Variants in YAE1 observed in about 807,000 individuals in gnomAD.
YAE1 encodes protein YAE1 homolog.
YAE1 carries 22 observed loss-of-function variants against 23.0 expected under a neutral mutation model. The observed-to-expected ratio is 0.96, with a 90% CI of 0.68 to 1.37. The LOEUF (loss-of-function observed/expected upper bound fraction) is 1.37. Among genes scored for constraint, YAE1 ranks in the 40% most tolerant of loss-of-function variants. The pLI is 0.00. For synonymous variants in YAE1, 101 were observed against 97.0 expected (o/e 1.04, Z -0.24); for missense variants, 260 against 262.1 (o/e 0.99, Z 0.06).
At chr7:39,571,864 G>A (rs1052377160) in intron 2 of YAE1, among the ~76,000 whole-genome samples, 6 of 152,044 alleles carry the variant, frequency 3.9e-5, no homozygotes, top group Admixed American at 1.3e-4. Flanking sequence ...TGCTTAGAAC[G>A]ATGGTTTTCA....
At chr7:39,607,555 T>C (rs566495168) in intron 2 of YAE1, among the ~76,000 whole-genome samples, 79 of 152,360 alleles carry the variant, frequency 5.2e-4, no homozygotes, top group Non-Finnish European at 9.0e-4. Context: ...TGTTGGACTT[T>C]TGAATTCAAT....
exon 3 of YAE1, chr7:39,610,039 C>T: frequency 6.7e-7 from 1 of 1,483,356 alleles, no homozygotes; most frequent in Non-Finnish European, 8.9e-7. Flanking sequence ...AGCCTCAGTC[C>T]TCAGCACCCA....
At chr7:39,570,670 AC>A in intron 2 of YAE1, 43 bp downstream of exon 2, 2 of 1,554,586 alleles carry the variant, frequency 1.3e-6, no homozygotes. Context: ...TAACCTCAAT[AC>A]TACTGGAGGA....
chr7:39,610,067 T>A, exon 3 of YAE1: 1 of 1,442,498 alleles, frequency 6.9e-7, no homozygotes, highest in Non-Finnish European at 9.1e-7. Flanking sequence ...GTGCTGCAGG[T>A]TTCTCCTGGG....
rs1240959787 is a variant in YAE1 at position 39,572,173 on chromosome 7, AAC to A, written c.252-102_252-101del. The A allele has an allele frequency of 5.7e-6, 7 of 1,230,108 alleles. No homozygotes were observed. In the East Asian group the frequency reaches 1.3e-4, roughly 22 times the overall value. 76.2% of individuals were successfully genotyped at this position (1,230,108 alleles called of 1,614,324 possible). A position where few individuals can be genotyped will look rare whatever the true frequency, so the allele number is the denominator to read the frequency against. ...TATGAAAGAGGGGTTATGAATTATA[AAC>A]AGTTTTATGATTAAGTCCAATCGTT... On this transcript the variant is annotated intron_variant, in intron 2 of 2. Coordinates refer to ENST00000223273, the MANE Select transcript of YAE1 (RefSeq NM_020192.5).
At chr7:39,597,693 G>A (rs1383965117) in intron 2 of YAE1, among the ~76,000 whole-genome samples, 6 of 152,186 alleles carry the variant, frequency 3.9e-5, no homozygotes, top group Non-Finnish European at 5.9e-5. Flanking sequence ...AGCGGTAGTG[G>A]TGGGGCCAAT....
At chr7:39,602,709 T>C (rs896786197) in intron 2 of YAE1, among the ~76,000 whole-genome samples, 1 of 151,916 alleles carries the variant, frequency 6.6e-6, no homozygotes. Context: ...AAAACAGAGA[T>C]TGAAATTTCA....
chr7:39,593,039 G>A (rs1178888306), intron 2 of YAE1, among the ~76,000 whole-genome samples: 1 of 151,190 alleles, frequency 6.6e-6, no homozygotes, highest in Non-Finnish European at 1.5e-5. Context: ...TTTTCAGATT[G>A]GATAATTTCT....
downstream of YAE1, among the ~76,000 whole-genome samples, chr7:39,574,247 T>TCATGAA (rs2115781713): frequency 6.6e-6 from 1 of 152,338 alleles, no homozygotes; most frequent in African/African-American, 2.4e-5. Context: ...TCAGGAGAAT[T>TCATGAA]AGCTAGTTGA....
At chr7:39,600,489 A>G (rs1791040032) in intron 2 of YAE1, among the ~76,000 whole-genome samples, 1 of 151,946 alleles carries the variant, frequency 6.6e-6, no homozygotes, top group African/African-American at 2.4e-5. Flanking sequence ...CCTCCACCTC[A>G]CAGGTTCAAG....
chr7:39,608,149 G>C (rs926696416), intron 2 of YAE1, among the ~76,000 whole-genome samples: 3 of 152,154 alleles, frequency 2.0e-5, no homozygotes, highest in African/African-American at 4.8e-5. Flanking sequence ...ATCAACAAAG[G>C]TGCCATTGTT....
At chr7:39,578,623 G>A (rs1164756891) in intron 2 of YAE1, among the ~76,000 whole-genome samples, 3 of 152,124 alleles carry the variant, frequency 2.0e-5, no homozygotes, top group Admixed American at 6.5e-5. Context: ...CACCGCGAAG[G>A]TCTGTAGCTT....
At chr7:39,611,665 G>A (rs991018816), downstream of YAE1, among the ~76,000 whole-genome samples, 6 of 152,170 alleles carry the variant, frequency 3.9e-5, no homozygotes, top group African/African-American at 1.2e-4. Flanking sequence ...CCACAGCTGA[G>A]GCACAGAAAG....
intron 2 of YAE1, among the ~76,000 whole-genome samples, chr7:39,603,216 C>T (rs548536842): frequency 1.6e-4 from 25 of 152,256 alleles, no homozygotes; most frequent in Admixed American, 1.6e-3. Context: ...GTGGCGCGAT[C>T]TCGGCTCCAC....
intron 2 of YAE1, among the ~76,000 whole-genome samples, chr7:39,581,097 G>T (rs1318869116): frequency 6.6e-6 from 1 of 152,148 alleles, no homozygotes; most frequent in Non-Finnish European, 1.5e-5. Flanking sequence ...AACTTTTCAG[G>T]ATGTAAACAT....
intron 2 of YAE1, among the ~76,000 whole-genome samples, chr7:39,606,619 T>G (rs1043149550): frequency 2.6e-5 from 4 of 152,212 alleles, no homozygotes; most frequent in Admixed American, 2.0e-4. Flanking sequence ...AGTTGCTATA[T>G]TTGTGCACAC....
intron 2 of YAE1, among the ~76,000 whole-genome samples, chr7:39,603,452 T>C (rs1791084198): frequency 6.6e-6 from 1 of 152,184 alleles, no homozygotes; most frequent in Non-Finnish European, 1.5e-5. Flanking sequence ...TGATGAGTTT[T>C]GATATGCAAA....
At chr7:39,605,531 G>A (rs1392746857) in intron 2 of YAE1, among the ~76,000 whole-genome samples, 1 of 152,146 alleles carries the variant, frequency 6.6e-6, no homozygotes, top group Non-Finnish European at 1.5e-5. Flanking sequence ...CCCTCTTCCA[G>A]TCTTGAATTG....
intron 2 of YAE1, among the ~76,000 whole-genome samples, chr7:39,571,290 T>C (rs1790561129): frequency 6.6e-6 from 1 of 151,426 alleles, no homozygotes; most frequent in African/African-American, 2.4e-5. Flanking sequence ...TTTTTTTTTT[T>C]TTAACTCATC....
Sources: allele counts gnomAD v4.1 joint callset (sites outside exome capture counted in the v4.1 genomes callset), GRCh38; gene constraint gnomAD v4.1.1; transcripts MANE v1.5; gene names NCBI Gene and HGNC (gene_info 2026-07-23, HGNC 2026-07-21).